The following LITAF variants were observed in gnomAD, a reference collection of about 807,000 sequenced individuals.
The protein encoded by LITAF is lipopolysaccharide-induced tumor necrosis factor-alpha factor.
A neutral mutation model predicts 14.5 loss-of-function variants in LITAF; 9 were observed. The ratio of observed to expected loss-of-function variants is 0.62; its 90% CI spans 0.37 to 1.08. The LOEUF (loss-of-function observed/expected upper bound fraction) is 1.08. Among genes scored for constraint, LITAF ranks in the 50% least tolerant of loss-of-function variants. The pLI is 0.01. For missense variants in LITAF, 206 were observed against 213.4 expected, an observed-to-expected ratio of 0.97 and a Z score of 0.22; for synonymous variants, 98 against 88.2, an observed-to-expected ratio of 1.11 and a Z score of -0.62.
intron 1 of LITAF, among the ~76,000 whole-genome samples, chr16:11,559,336 G>C (rs1053821559): frequency 7.9e-5 from 12 of 152,064 alleles, no homozygotes; most frequent in Admixed American, 3.3e-4. Context: ...CTTTTTACTT[G>C]CCAATGAATT....
rs1360207113 is a variant in LITAF at position 11,605,362 on chromosome 16, T to C, written c.85+28171A>G. 1.3e-5 allele frequency among the ~76,000 whole-genome samples: 2 copies of C among 152,074 alleles called. No individual in the cohort carries two copies. Among genetic ancestry groups the C allele is most frequent in the East Asian group, 3.9e-4 (2 of 5,182 alleles). On this transcript the variant is annotated intron_variant, in intron 3 of 3. Coordinates refer to the LITAF transcript ENST00000574848. This position sits in a 1 kb window ranked among gnomAD's most constrained non-coding sequence, Gnocchi z 4.7. ...AAACCCCCACGAGGCCCAGGATTCC[T>C]CCCAGGCGGGATCCTGTGCACCTCC...
intron 3 of LITAF, among the ~76,000 whole-genome samples, chr16:11,622,144 C>T (rs1430189563): frequency 3.9e-5 from 6 of 152,194 alleles, no homozygotes; most frequent in Admixed American, 6.5e-5. Context: ...TTGGGGGACC[C>T]GCCCTGGCAG....
intron 1 of LITAF, among the ~76,000 whole-genome samples, chr16:11,576,781 C>T (rs1277262978): frequency 1.3e-5 from 2 of 152,162 alleles, no homozygotes; most frequent in African/African-American, 4.8e-5. Context: ...TGGGCGCCTC[C>T]TCTGAGTGAG....
chr16:11,603,411 G>C (rs1388872359), upstream of LITAF, among the ~76,000 whole-genome samples: 1 of 152,188 alleles, frequency 6.6e-6, no homozygotes, highest in Non-Finnish European at 1.5e-5. Flanking sequence ...CTCCCGAGGG[G>C]TTTCAAGGGC....
upstream of LITAF, among the ~76,000 whole-genome samples, chr16:11,639,164 G>T (rs974862224): frequency 1.3e-5 from 2 of 152,020 alleles, no homozygotes; most frequent in South Asian, 4.2e-4. Flanking sequence ...GGTAGGGATG[G>T]ATGGATGAAT....
At position 11,549,646 on chromosome 16, in the gene LITAF, C is replaced by A; in HGVS notation, c.477G>T (p.Lys159Asn). ...PNCRALLGTY[K>N]RL is the part of the protein sequence containing the mutation. ...CACGTCTGGCTGAGTCCTACAAACGCTTGTAGGTGCCCAGGAGAGCTCTGC... is the reference window on the plus strand; with the variant it reads ...CACGTCTGGCTGAGTCCTACAAACGATTGTAGGTGCCCAGGAGAGCTCTGC... Residue 159 changes from lysine to asparagine, a missense_variant, in exon 4 of 4, where the codon AAG becomes AAT. Lys to Asn is a moderately conservative substitution (Grantham distance 94, BLOSUM62 0). Coordinates refer to ENST00000622633, the MANE Select transcript of LITAF (RefSeq NM_001136472.2). The surrounding 1 kb of genome is among the most constrained non-coding windows in gnomAD (Gnocchi z 4.6). 6.2e-7 allele frequency: 1 copy of A among 1,612,158 alleles called. No individual in the cohort carries two copies. The highest frequency in any genetic ancestry group is 1.3e-5 in the African/African-American group (1 of 74,960).
intron 1 of LITAF, among the ~76,000 whole-genome samples, chr16:11,562,119 C>G (rs575530776): frequency 6.6e-6 from 1 of 151,638 alleles, no homozygotes; most frequent in African/African-American, 2.4e-5. Context: ...CAGGGTCTTG[C>G]TAAGCTGCCC....
intron 1 of LITAF, among the ~76,000 whole-genome samples, chr16:11,565,889 G>C (rs1463273151): frequency 6.6e-6 from 1 of 151,812 alleles, no homozygotes; most frequent in Non-Finnish European, 1.5e-5. Context: ...TCCTCCTGGA[G>C]CCTCTCTATA....
At chr16:11,588,177 T>G (rs9938948), upstream of LITAF, among the ~76,000 whole-genome samples, 1 of 152,072 alleles carries the variant, frequency 6.6e-6, no homozygotes, top group Non-Finnish European at 1.5e-5. Flanking sequence ...ATGTTATTAG[T>G]GTGGGCAACA....
At chr16:11,591,374 G>A (rs2064844826), upstream of LITAF, among the ~76,000 whole-genome samples, 1 of 57,690 alleles carries the variant, frequency 1.7e-5, no homozygotes, top group South Asian at 4.5e-4. Context: ...TTGTATAGAT[G>A]TGGTCTCACT....
intron 1 of LITAF, among the ~76,000 whole-genome samples, chr16:11,570,174 T>C (rs1250197205): frequency 1.3e-5 from 2 of 152,204 alleles, no homozygotes; most frequent in African/African-American, 4.8e-5. Context: ...GCCAAATTTC[T>C]CTCAGGTTTC....
At chr16:11,608,688 C>T (rs1366559767) in intron 3 of LITAF, among the ~76,000 whole-genome samples, 1 of 152,176 alleles carries the variant, frequency 6.6e-6, no homozygotes, top group Non-Finnish European at 1.5e-5. Flanking sequence ...GGGGGCCAGG[C>T]GCAGTGGCTC....
At chr16:11,576,908 T>C (rs1456985144) in intron 1 of LITAF, among the ~76,000 whole-genome samples, 1 of 152,210 alleles carries the variant, frequency 6.6e-6, no homozygotes, top group Non-Finnish European at 1.5e-5. Context: ...AGTCCAACTG[T>C]CTGTCTTTGA....
rs2064219565 is a variant in LITAF at position 11,553,661 on chromosome 16, G to T, written c.249C>A (p.His83Gln). The change falls in exon 3 of 4, where the codon CAC (histidine) becomes CAA (glutamine). Residue 83 changes from histidine (H) to glutamine (Q), a missense_variant. Transcript: ENST00000622633. This position sits in a 1 kb window ranked among gnomAD's most constrained non-coding sequence, Gnocchi z 7.7. ...PITVQTVYVQHPITFLDRPIQ... is the reference protein window; with the variant it reads ...PITVQTVYVQQPITFLDRPIQ... ...TAGGGCGGTCCAAAAAGGTGATGGG[G>T]TGCTGCACGTAGACCGTCTGCACGG... 3 of 1,614,190 alleles carry T rather than the reference G, an allele frequency of 1.9e-6. No individual in the cohort carries two copies. Among genetic ancestry groups the T allele is most frequent in the Non-Finnish European group, 2.5e-6 (3 of 1,180,036 alleles).
chr16:11,582,392 T>G (rs963682104), intron 1 of LITAF, among the ~76,000 whole-genome samples: 4 of 148,692 alleles, frequency 2.7e-5, no homozygotes, highest in Admixed American at 6.7e-5. Flanking sequence ...TCTAAAAATA[T>G]ATCCTCAAGC....
chr16:11,628,955 C>T (rs571127804), intron 3 of LITAF, among the ~76,000 whole-genome samples: 16 of 152,310 alleles, frequency 1.1e-4, no homozygotes, highest in African/African-American at 3.9e-4. Flanking sequence ...GGATTATAGG[C>T]GTGAGCCATT....
At chr16:11,604,700 C>T (rs2064945873) in intron 3 of LITAF, among the ~76,000 whole-genome samples, 1 of 148,614 alleles carries the variant, frequency 6.7e-6, no homozygotes, top group Non-Finnish European at 1.5e-5. Context: ...GTTGTGTCAC[C>T]TGGATGGTTC....
upstream of LITAF, among the ~76,000 whole-genome samples, chr16:11,639,857 C>T (rs2065157660): frequency 6.6e-6 from 1 of 152,094 alleles, no homozygotes; most frequent in Non-Finnish European, 1.5e-5. Flanking sequence ...TAGCCAGGGC[C>T]TCTGCCTCCT....
chr16:11,592,751 T>G (rs2064855074), intron 1 of LITAF, among the ~76,000 whole-genome samples: 2 of 151,952 alleles, frequency 1.3e-5, no homozygotes, highest in South Asian at 2.1e-4. Flanking sequence ...AAAAAAAATT[T>G]GGGGTCGGGC....
Sources: gnomAD v4.1 joint callset for allele counts (sites outside exome capture counted in the v4.1 genomes callset) on GRCh38, gnomAD v4.1.1 for gene constraint, Gnocchi (gnomAD v3.1) non-coding constraint, MANE v1.5 for transcripts, NCBI Gene and HGNC (gene_info 2026-07-23, HGNC 2026-07-21) for gene names.